CORO2B: variants seen among roughly 807,000 people sequenced by gnomAD.
CORO2B encodes coronin 2B.
Under a neutral mutation model 58.8 loss-of-function variants are expected in CORO2B, and 26 were observed. The observed-to-expected ratio is 0.44, with a 90% confidence interval of 0.32 to 0.61. The LOEUF is 0.61. Ranked by LOEUF, CORO2B falls within the 20% of genes least tolerant of loss-of-function variation. The pLI, the probability that CORO2B is intolerant of heterozygous loss-of-function variation, is 0.04. For synonymous variants in CORO2B, 242 were observed against 253.8 expected (o/e 0.95, Z 0.44); for missense variants, 460 against 645.1 (o/e 0.71, Z 3.11).
In CORO2B at chr15:68,657,604, C is replaced by T. The variant is rs140110979; in HGVS notation, c.216+12244C>T. Among the ~76,000 whole-genome samples the T allele has an allele frequency of 6.2e-4, 94 of 151,132 alleles. 3 individuals carry two copies. Among genetic ancestry groups the T allele is most frequent in the East Asian group, 3.9e-4 (2 of 5,138 alleles). ...TAAGTGCTTTTCTATCAATGCATTA[C>T]GCCCCATGATTGAGTGTAGGACACA... On this transcript the variant is annotated intron_variant, in intron 2 of 11. Transcript: ENST00000261861.
the CORO2B span, among the ~76,000 whole-genome samples, chr15:68,522,459 C>T: frequency 6.6e-6 from 1 of 151,792 alleles, no homozygotes; most frequent in Non-Finnish European, 1.5e-5. Flanking sequence ...TTCTTTCTTT[C>T]TTTTTTTTGA....
chr15:68,702,821 C>CTTTTTTTT (rs113249272), intron 3 of CORO2B, among the ~76,000 whole-genome samples: 1,046 of 96,246 alleles, frequency 0.011, 7 homozygotes, highest in Non-Finnish European at 0.015. Flanking sequence ...TTTTCTTTTT[C>CTTTTTTTT]TTTTTTTTTT....
intron 1 of CORO2B, among the ~76,000 whole-genome samples, chr15:68,603,406 C>A (rs1464365803): frequency 6.6e-6 from 1 of 152,112 alleles, no homozygotes; most frequent in Non-Finnish European, 1.5e-5. Context: ...AGGCCTGAGA[C>A]AGAGGAGCCT....
chr15:68,709,844 T>C (rs1429634858), intron 3 of CORO2B, among the ~76,000 whole-genome samples: 2 of 152,056 alleles, frequency 1.3e-5, no homozygotes, highest in Non-Finnish European at 2.9e-5. Context: ...ATTGTGTCTT[T>C]TCATTCTACC....
intron 2 of CORO2B, among the ~76,000 whole-genome samples, chr15:68,668,970 C>T (rs918740871): frequency 2.0e-5 from 3 of 151,764 alleles, no homozygotes; most frequent in Non-Finnish European, 4.4e-5. Context: ...CCCAACTACT[C>T]GGGAGGCTGA....
chr15:68,605,632 G>C (rs1212282593), intron 1 of CORO2B, among the ~76,000 whole-genome samples: 1 of 150,358 alleles, frequency 6.7e-6, no homozygotes, highest in African/African-American at 2.4e-5. Context: ...GGAAAGTACA[G>C]ATGCTTCAAG....
At chr15:68,636,819 G>A (rs189798610) in intron 1 of CORO2B, among the ~76,000 whole-genome samples, 47 of 152,296 alleles carry the variant, frequency 3.1e-4, no homozygotes, top group African/African-American at 1.1e-3. Context: ...GGAGCTAATT[G>A]ATGTCTTTTC....
intron 1 of CORO2B, among the ~76,000 whole-genome samples, chr15:68,579,970 A>C (rs1006942766): frequency 6.6e-6 from 1 of 152,158 alleles, no homozygotes; most frequent in Non-Finnish European, 1.5e-5. Context: ...GGGGCTTCCT[A>C]GTTGTAGGGA....
chr15:68,602,732 C>G (rs1900016133), intron 1 of CORO2B, among the ~76,000 whole-genome samples: 1 of 152,180 alleles, frequency 6.6e-6, no homozygotes, highest in African/African-American at 2.4e-5. Context: ...TCATAGTTCT[C>G]TACATCAGTG....
chr15:68,540,254 T>G, the CORO2B span, among the ~76,000 whole-genome samples: 1 of 152,242 alleles, frequency 6.6e-6, no homozygotes, highest in Non-Finnish European at 1.5e-5. Flanking sequence ...TTGACACATT[T>G]AATCATACAA....
intron 1 of CORO2B, among the ~76,000 whole-genome samples, chr15:68,613,955 T>C (rs1900296743): frequency 6.6e-6 from 1 of 152,250 alleles, no homozygotes; most frequent in Admixed American, 6.5e-5. Flanking sequence ...TGTGGGTTGT[T>C]CAGTTAGCCA....
chr15:68,549,113 C>T, the CORO2B span, among the ~76,000 whole-genome samples: 1 of 152,122 alleles, frequency 6.6e-6, no homozygotes, highest in African/African-American at 2.4e-5. Context: ...AGAATCTTTG[C>T]AGAAAAATTA....
the CORO2B span, among the ~76,000 whole-genome samples, chr15:68,525,152 C>G: frequency 6.6e-6 from 1 of 152,044 alleles, no homozygotes; most frequent in African/African-American, 2.4e-5. Flanking sequence ...ACCCCAAAAA[C>G]AAAAATAAAG....
At chr15:68,676,841 G>A (rs538789786) in intron 2 of CORO2B, among the ~76,000 whole-genome samples, 1 of 137,112 alleles carries the variant, frequency 7.3e-6, no homozygotes, top group African/African-American at 3.3e-5. Context: ...GCACCATCAC[G>A]ACTCACTGCA....
At chr15:68,603,389 T>C (rs1900031766) in intron 1 of CORO2B, among the ~76,000 whole-genome samples, 1 of 152,132 alleles carries the variant, frequency 6.6e-6, no homozygotes, top group Non-Finnish European at 1.5e-5. Context: ...CTAATCATAC[T>C]AGTGTGAGGC....
At chr15:68,527,007 A>G in the CORO2B span, among the ~76,000 whole-genome samples, 5 of 152,154 alleles carry the variant, frequency 3.3e-5, no homozygotes, top group Non-Finnish European at 5.9e-5. Context: ...GACACCAGAG[A>G]GGTGTGTGCA....
At chr15:68,614,762 AG>A (rs1481862233) in intron 1 of CORO2B, among the ~76,000 whole-genome samples, 1 of 152,164 alleles carries the variant, frequency 6.6e-6, no homozygotes, top group African/African-American at 2.4e-5. Context: ...CCAGGGCTGC[AG>A]CGGGCCCTTT....
Position 68,718,771 on chromosome 15 carries a change from G to A in CORO2B, c.1041G>A (p.Lys347=). ...GCTTCTACAAGCTGGTGACTCTCAAGGGCCTGATCGAGCCCATCTCCATGA... is the reference window on the plus strand; with the variant it reads ...GCTTCTACAAGCTGGTGACTCTCAAAGGCCTGATCGAGCCCATCTCCATGA... ...VFRFYKLVTL[K]GLIEPISMIV... The change falls in exon 9 of 12, where the codon AAG becomes AAA. Residue 347 remains lysine (K), a synonymous_variant. Coordinates refer to ENST00000261861, the MANE Select transcript of CORO2B (RefSeq NM_006091.5). 1 of 1,614,192 alleles carries A rather than the reference G, an allele frequency of 6.2e-7. No homozygotes were observed. The highest frequency in any genetic ancestry group is 8.5e-7 in the Non-Finnish European group (1 of 1,180,014).
At chr15:68,695,732 G>A (rs1028922928) in intron 3 of CORO2B, among the ~76,000 whole-genome samples, 14 of 152,118 alleles carry the variant, frequency 9.2e-5, no homozygotes, top group African/African-American at 3.4e-4. Context: ...TGAGAGAAGT[G>A]TCCTGATTTT....
Sources: gnomAD v4.1 joint callset for allele counts (sites outside exome capture counted in the v4.1 genomes callset) on GRCh38, gnomAD v4.1.1 for gene constraint, MANE v1.5 for transcripts, NCBI Gene and HGNC (gene_info 2026-07-23, HGNC 2026-07-21) for gene names.